Variants in VWA8 observed in about 807,000 individuals in gnomAD.
VWA8 encodes von Willebrand factor A domain containing 8.
Under a neutral mutation model 241.5 loss-of-function variants are expected in VWA8, and 221 were observed. The ratio of observed to expected loss-of-function variants is 0.91; its 90% CI spans 0.82 to 1.02. The LOEUF (loss-of-function observed/expected upper bound fraction) is 1.02, where lower values mean the gene tolerates loss of function less well. Among genes scored for constraint, VWA8 ranks in the 50% least tolerant of loss-of-function variants. VWA8 has a pLI of 0.00. For synonymous variants in VWA8, 852 were observed against 827.1 expected (o/e 1.03, Z -0.52); for missense variants, 2,322 against 2,328.7 (o/e 1.00, Z 0.06).
Position 41,692,943 on chromosome 13 carries a change from A to G in VWA8, c.3594T>C (p.Thr1198=). 1 of 1,610,892 alleles carries G rather than the reference A, an allele frequency of 6.2e-7. No individual in the cohort carries two copies. The highest frequency in any genetic ancestry group is 8.5e-7 in the Non-Finnish European group (1 of 1,177,948). The change falls in exon 30 of 45, where the codon ACT becomes ACC. Residue 1198 remains threonine, a synonymous_variant. Transcript: ENST00000379310. ...GGATGAGACGATGAAGGGCCCGGCCAGTAGTATCTAACAACAGGATAACAT... is the reference window on the plus strand; with the variant it reads ...GGATGAGACGATGAAGGGCCCGGCCGGTAGTATCTAACAACAGGATAACAT... ...QSNVILLLDT[T]GRALHRLILP...
chr13:41,958,976 T>A (rs1297244463), intron 1 of VWA8, among the ~76,000 whole-genome samples: 1 of 152,186 alleles, frequency 6.6e-6, no homozygotes, highest in Admixed American at 6.5e-5. Flanking sequence ...ACATGTATTA[T>A]CCATGTACAA....
intron 1 of VWA8, among the ~76,000 whole-genome samples, chr13:41,957,359 G>GT (rs1308452716): frequency 6.6e-6 from 1 of 152,170 alleles, no homozygotes; most frequent in East Asian, 1.9e-4. Flanking sequence ...CACAATGATT[G>GT]TGAGGCCTAC....
At chr13:41,823,271 C>A (rs950520397) in intron 14 of VWA8, among the ~76,000 whole-genome samples, 1 of 151,992 alleles carries the variant, frequency 6.6e-6, no homozygotes, top group African/African-American at 2.4e-5. Context: ...GCTCAAATGT[C>A]CAGTTATGTT....
chr13:41,935,478 C>T (rs9315874), intron 2 of VWA8, among the ~76,000 whole-genome samples: 2,269 of 151,900 alleles, frequency 0.015, 54 homozygotes, highest in African/African-American at 0.052. Context: ...ATAGAAAAAG[C>T]GGTTAGAACT....
At chr13:41,578,750 A>C (rs930011654) in intron 42 of VWA8, among the ~76,000 whole-genome samples, 1 of 152,172 alleles carries the variant, frequency 6.6e-6, no homozygotes, top group Admixed American at 6.5e-5. Context: ...TCTGAGCTCA[A>C]AATTTTTATG....
intron 16 of VWA8, among the ~76,000 whole-genome samples, chr13:41,813,187 G>C (rs1046021638): frequency 2.0e-5 from 3 of 152,138 alleles, no homozygotes; most frequent in African/African-American, 7.2e-5. Flanking sequence ...TTTCAAATCA[G>C]GTTATTACTA....
At chr13:41,727,403 T>A in intron 23 of VWA8, 90 bp from the exon 24 acceptor site, 1 of 1,025,736 alleles carries the variant, frequency 9.7e-7, no homozygotes, top group Non-Finnish European at 1.3e-6. Context: ...TAAATAGTTA[T>A]ACTGTTCAAT....
rs1377455752 is a variant in VWA8, at chr13:41,689,421, G to C, written c.4064C>G (p.Ser1355Cys). The change falls in exon 34 of 45, where the codon TCT becomes TGT. Residue 1355 changes from serine (S) to cysteine (C), a missense_variant. Ser to Cys is a moderately radical substitution (Grantham distance 112, BLOSUM62 -1). Coordinates refer to ENST00000379310, the MANE Select transcript of VWA8 (RefSeq NM_015058.2). ...LSSAVEQKIA[S>C]PNRILSDEKN... ...CTCATCTGAGAGAATTCTGTTGGGAGAGGCAATCTTTTGTTCCACAGCTGA... is the reference window on the plus strand; with the variant it reads ...CTCATCTGAGAGAATTCTGTTGGGACAGGCAATCTTTTGTTCCACAGCTGA... 8 of 1,612,076 alleles carry C rather than the reference G, an allele frequency of 5.0e-6. No homozygotes were observed. The East Asian group carries it at 1.8e-4, about 36-fold the overall frequency.
At chr13:41,763,308 A>ATAGATAG (rs2045754836) in intron 20 of VWA8, among the ~76,000 whole-genome samples, 1 of 145,774 alleles carries the variant, frequency 6.9e-6, no homozygotes, top group African/African-American at 2.5e-5. Flanking sequence ...TAAATAAATA[A>ATAGATAG]ATAGATAGAT....
At chr13:41,784,727 T>TATATATATATATATATATCTAC (rs1555335045) in intron 18 of VWA8, among the ~76,000 whole-genome samples, 1 of 69,014 alleles carries the variant, frequency 1.4e-5, no homozygotes, top group African/African-American at 4.5e-5. Context: ...TATATATATA[T>TATATATATATATATATATCTAC]ATACACACAC....
chr13:41,787,607 TACAC>T (rs112297676), intron 17 of VWA8, 64 bp from the exon 18 acceptor site: 628 of 603,434 alleles, frequency 1.0e-3, no homozygotes, highest in South Asian at 1.5e-3. Flanking sequence ...GATTCTTAAA[TACAC>T]ACACACACAC....
At chr13:41,879,382 T>TACATAC (rs1555346704) in intron 9 of VWA8, among the ~76,000 whole-genome samples, 4 of 140,806 alleles carry the variant, frequency 2.8e-5, no homozygotes, top group Non-Finnish European at 4.6e-5. Flanking sequence ...CATACACACA[T>TACATAC]ACACACACAC....
chr13:41,783,665 C>T (rs896194103), intron 19 of VWA8, 130 bp downstream of exon 19: 2 of 519,960 alleles, frequency 3.8e-6, no homozygotes, highest in Non-Finnish European at 3.2e-6. Context: ...AGATGTTCAA[C>T]ACTTCATTTT....
chr13:41,868,963 C>A (rs1439708985), intron 9 of VWA8, among the ~76,000 whole-genome samples: 1 of 147,204 alleles, frequency 6.8e-6, no homozygotes. Flanking sequence ...TCTATTCCTA[C>A]TAATACCATT....
rs1476320836 is a variant in VWA8 at position 41,701,379 on chromosome 13, T to A, written c.3364+13A>T. On this transcript the variant is annotated intron_variant, in intron 28 of 44. Transcript: ENST00000379310. ...GTGCAGGAAGGAAAGATCAAAAGAATAAGCAGACATACCATGTGATGTAGC... is the reference window on the plus strand; with the variant it reads ...GTGCAGGAAGGAAAGATCAAAAGAAAAAGCAGACATACCATGTGATGTAGC... The A allele has an allele frequency of 1.3e-6, 2 of 1,577,264 alleles. No homozygotes were observed. Among genetic ancestry groups the A allele is most frequent in the Non-Finnish European group, 1.7e-6 (2 of 1,166,224 alleles).
At chr13:41,856,052 T>C (rs1872733185) in intron 12 of VWA8, among the ~76,000 whole-genome samples, 1 of 152,182 alleles carries the variant, frequency 6.6e-6, no homozygotes, top group South Asian at 2.1e-4. Flanking sequence ...ATCTTACTTG[T>C]TGGCCAGGCA....
intron 37 of VWA8, among the ~76,000 whole-genome samples, chr13:41,617,400 T>A (rs1325597029): frequency 1.3e-5 from 2 of 152,206 alleles, no homozygotes; most frequent in African/African-American, 4.8e-5. Context: ...ATTACAGGCA[T>A]GAGCCACTGT....
intron 35 of VWA8, among the ~76,000 whole-genome samples, chr13:41,679,225 A>G (rs773697382): frequency 1.3e-5 from 2 of 152,210 alleles, no homozygotes; most frequent in African/African-American, 2.4e-5. Context: ...TTTATCACAT[A>G]GCTCCCATGA....
At chr13:41,811,923 C>T (rs1870490696) in intron 16 of VWA8, among the ~76,000 whole-genome samples, 1 of 152,160 alleles carries the variant, frequency 6.6e-6, no homozygotes, top group African/African-American at 2.4e-5. Context: ...TAGTACAGAA[C>T]TCAGGACATG....
Sources: allele counts gnomAD v4.1 joint callset (sites outside exome capture counted in the v4.1 genomes callset), GRCh38; gene constraint gnomAD v4.1.1; transcripts MANE v1.5; gene names NCBI Gene and HGNC (gene_info 2026-07-23, HGNC 2026-07-21).